PARD3B: variants seen among roughly 807,000 people sequenced by gnomAD.
PARD3B encodes the protein partitioning defective 3 homolog B.
A neutral mutation model predicts 130.2 loss-of-function variants in PARD3B; 103 were observed. That is an observed-to-expected ratio of 0.79 (90% confidence interval 0.67 to 0.93). PARD3B has a LOEUF of 0.93. Among genes scored for constraint, PARD3B ranks in the 40% least tolerant of loss-of-function variants. The pLI is 0.00. For missense variants in PARD3B, 1,609 were observed against 1,499.2 expected (o/e 1.07, Z -1.21); for synonymous variants, 583 against 553.2 (o/e 1.05, Z -0.76).
chr2:205,297,076 G>A (rs1001171470), intron 16 of PARD3B, among the ~76,000 whole-genome samples: 1 of 151,856 alleles, frequency 6.6e-6, no homozygotes, highest in Admixed American at 6.6e-5. Context: ...GTGAGGGGAG[G>A]ATCCGTTCTT....
At chr2:205,272,050 C>T (rs1415708021) in intron 16 of PARD3B, among the ~76,000 whole-genome samples, 2 of 151,578 alleles carry the variant, frequency 1.3e-5, no homozygotes, top group Non-Finnish European at 2.9e-5. Context: ...CCCAGCAACT[C>T]AGGAGGCTGA....
intron 18 of PARD3B, among the ~76,000 whole-genome samples, chr2:205,323,699 T>C (rs1406725084): frequency 6.6e-6 from 1 of 152,152 alleles, no homozygotes; most frequent in African/African-American, 2.4e-5. Context: ...GTCATGGGAG[T>C]AAAAATGTAA....
intron 2 of PARD3B, among the ~76,000 whole-genome samples, chr2:204,868,184 A>G (rs1246914137): frequency 6.6e-6 from 1 of 152,170 alleles, no homozygotes; most frequent in African/African-American, 2.4e-5. Flanking sequence ...CTATAAATAG[A>G]TAGGGACTGT....
In PARD3B at chr2:205,193,295, G is replaced by A. The variant is rs376395769; in HGVS notation, c.2115G>A (p.Leu705=). Reference sequence around the variant, plus strand: ...CCAGGCAGCCTGAATCAATTAATTTGAAAGCCTCGAAGAGCATGGACCTTG... The same window carrying A: ...CCAGGCAGCCTGAATCAATTAATTTAAAAGCCTCGAAGAGCATGGACCTTG... ...TPARQPESIN[L]KASKSMDLVP... is the part of the protein sequence containing the mutation. Residue 705 remains leucine (L), a synonymous_variant, in exon 15 of 23, where the codon TTG becomes TTA. Transcript: ENST00000406610. 8.1e-6 allele frequency: 13 copies of A among 1,611,596 alleles called. No homozygotes were observed. Among genetic ancestry groups the A allele is most frequent in the Middle Eastern group, 1.6e-4 (1 of 6,074 alleles).
rs1043726148 is a variant in PARD3B, at chr2:205,250,748, G to C, written c.2185+4926G>C. 3.9e-5 allele frequency among the ~76,000 whole-genome samples: 6 copies of C among 152,096 alleles called. No individual in the cohort carries two copies. The East Asian group carries it at 1.2e-3, about 30-fold the overall frequency. On this transcript the variant is annotated intron_variant, in intron 16 of 22. Transcript: ENST00000406610. ...GTTTGAGACCAGCCTGGACAACATA[G>C]TGAAACCCCGTCTCTACTAAAAATA...
intron 16 of PARD3B, among the ~76,000 whole-genome samples, chr2:205,259,153 T>C (rs1157926181): frequency 6.6e-6 from 1 of 152,162 alleles, no homozygotes; most frequent in Non-Finnish European, 1.5e-5. Context: ...CAGTGTTTTA[T>C]GCATTCAATA....
At chr2:204,946,918 C>A (rs1399972622) in intron 2 of PARD3B, among the ~76,000 whole-genome samples, 1 of 152,144 alleles carries the variant, frequency 6.6e-6, no homozygotes, top group East Asian at 1.9e-4. Flanking sequence ...CAAACAACAC[C>A]AAAATGTTCA....
At chr2:204,862,998 C>T (rs571997097) in intron 2 of PARD3B, among the ~76,000 whole-genome samples, 15 of 152,292 alleles carry the variant, frequency 9.8e-5, no homozygotes, top group Non-Finnish European at 1.9e-4. Context: ...GGCTCCACCC[C>T]GTCCTCCCAG....
chr2:204,719,020 G>A (rs1159361665), intron 2 of PARD3B, among the ~76,000 whole-genome samples: 1 of 152,138 alleles, frequency 6.6e-6, no homozygotes, highest in Non-Finnish European at 1.5e-5. Context: ...AATACACATT[G>A]GGAGAAGTTA....
In PARD3B at chr2:205,301,359, A is replaced by T; in HGVS notation, c.2393-105A>T. ...TAACCACATAGAAGGGTAGAACTAC[A>T]GAGTGCTGTTATTCATTCTTTTGCA... On this transcript the variant is annotated intron_variant, in intron 17 of 22. Coordinates refer to ENST00000406610, the MANE Select transcript of PARD3B (RefSeq NM_001302769.2). This position sits in a 1 kb window ranked among gnomAD's most constrained non-coding sequence, Gnocchi z 5.2. 6.6e-7 allele frequency: 1 copy of T among 1,515,282 alleles called. No homozygotes were observed. Among genetic ancestry groups the T allele is most frequent in the Non-Finnish European group, 8.8e-7 (1 of 1,135,286 alleles). 93.9% of individuals were successfully genotyped at this position (1,515,282 alleles called of 1,614,324 possible).
At chr2:205,236,412 CTTGAA>C in intron 15 of PARD3B, among the ~76,000 whole-genome samples, 1 of 29,972 alleles carries the variant, frequency 3.3e-5, no homozygotes, top group South Asian at 2.0e-3. Context: ...TGATATCCTT[CTTGAA>C]TTGATGTAAA....
At chr2:205,424,816 T>C (rs2047089076) in intron 19 of PARD3B, among the ~76,000 whole-genome samples, 1 of 152,150 alleles carries the variant, frequency 6.6e-6, no homozygotes, top group Admixed American at 6.6e-5. Context: ...GTATAACCCT[T>C]GGCAGTCCCT....
chr2:205,428,323 T>G (rs368179776), intron 19 of PARD3B, among the ~76,000 whole-genome samples: 3 of 152,266 alleles, frequency 2.0e-5, no homozygotes, highest in East Asian at 3.9e-4. Flanking sequence ...GAGGTTGCAG[T>G]GAGCAGAGAT....
intron 15 of PARD3B, among the ~76,000 whole-genome samples, chr2:205,196,338 G>A (rs2036680051): frequency 6.6e-6 from 1 of 152,042 alleles, no homozygotes; most frequent in Non-Finnish European, 1.5e-5. Context: ...TTGTTTTGGT[G>A]GGTTTTTGAG....
chr2:205,606,997 A>G (rs936677003), intron 22 of PARD3B, among the ~76,000 whole-genome samples: 2 of 152,126 alleles, frequency 1.3e-5, no homozygotes, highest in African/African-American at 2.4e-5. Flanking sequence ...TAAAGACTCA[A>G]TTGATTCTTA....
intron 3 of PARD3B, among the ~76,000 whole-genome samples, chr2:205,024,528 A>T (rs1418800216): frequency 6.6e-6 from 1 of 152,086 alleles, no homozygotes; most frequent in South Asian, 2.1e-4. Flanking sequence ...TTCCCAAATG[A>T]TAGGATTTAC....
intron 2 of PARD3B, among the ~76,000 whole-genome samples, chr2:204,946,612 C>T (rs187240564): frequency 3.3e-5 from 5 of 152,220 alleles, no homozygotes; most frequent in South Asian, 2.1e-4. Flanking sequence ...TTGACCTCTG[C>T]GTAAAGAGGA....
At chr2:205,303,104 G>T (rs1473010422) in intron 18 of PARD3B, among the ~76,000 whole-genome samples, 3 of 151,878 alleles carry the variant, frequency 2.0e-5, no homozygotes, top group Admixed American at 6.6e-5. Flanking sequence ...CAACTTGTTT[G>T]TCGGGGGCTA....
At chr2:205,115,534 T>A (rs2125603727) in intron 6 of PARD3B, among the ~76,000 whole-genome samples, 1 of 152,350 alleles carries the variant, frequency 6.6e-6, no homozygotes, top group South Asian at 2.1e-4. Flanking sequence ...AGTTCATGGT[T>A]AACTGTTCAG....
Sources: gnomAD v4.1 joint callset for allele counts (sites outside exome capture counted in the v4.1 genomes callset) on GRCh38, gnomAD v4.1.1 for gene constraint, Gnocchi (gnomAD v3.1) non-coding constraint, MANE v1.5 for transcripts, NCBI Gene and HGNC (gene_info 2026-07-23, HGNC 2026-07-21) for gene names.